Variants in NRXN1 observed in about 807,000 individuals in gnomAD.
NRXN1 encodes neurexin 1, also known as neurexin-1.
A neutral mutation model predicts 150.9 loss-of-function variants in NRXN1; 39 were observed. The ratio of observed to expected loss-of-function variants is 0.26; its 90% CI spans 0.20 to 0.34. NRXN1 has a LOEUF of 0.34. NRXN1 is among the 10% of genes least tolerant of loss of function. The pLI is 1.00. For missense variants in NRXN1, 1,815 were observed against 1,949.9 expected (o/e 0.93, Z 1.30); for synonymous variants, 924 against 757.0 (o/e 1.22, Z -3.62).
rs182920809 is a variant in NRXN1 at position 50,489,283 on chromosome 2, A to C, written c.3070+6622T>G. Among the ~76,000 whole-genome samples the C allele has an allele frequency of 3.9e-5, 6 of 152,274 alleles. No homozygotes were observed. The East Asian group carries it at 1.2e-3, about 29-fold the overall frequency. ...AGCCCCAGGGCTTTATGCATCTGCA[A>C]ATGGGATGGGTTGGGATCTTTAAAG... On this transcript the variant is annotated intron_variant, in intron 15 of 22. Coordinates refer to ENST00000401669, the MANE Select transcript of NRXN1 (RefSeq NM_001330078.2).
At chr2:50,357,304 T>TTATTTATTTTTA (rs1368238150) in intron 17 of NRXN1, among the ~76,000 whole-genome samples, 3 of 142,994 alleles carry the variant, frequency 2.1e-5, no homozygotes, top group Non-Finnish European at 4.5e-5. Context: ...ATTTATTTAT[T>TTATTTATTTTTA]TTTTTTTTTA....
rs116605754 is a variant in NRXN1 at position 49,932,934 on chromosome 2, C to G, written c.4217-10683G>C. 9.8e-3 allele frequency among the ~76,000 whole-genome samples: 1,499 copies of G among 152,278 alleles called. 25 individuals carry two copies. The highest frequency in any genetic ancestry group is 0.034 in the African/African-American group (1,417 of 41,554). Reference sequence around the variant, plus strand: ...AAATGGCACAGCCAAAATTCAAACTCAGGTCTGTCTATGGCTACTAATATT... The same window carrying G: ...AAATGGCACAGCCAAAATTCAAACTGAGGTCTGTCTATGGCTACTAATATT... On this transcript the variant is annotated intron_variant, in intron 22 of 22. Transcript: ENST00000401669.
chr2:50,778,398 G>C (rs1293467271), intron 5 of NRXN1, among the ~76,000 whole-genome samples: 1 of 152,160 alleles, frequency 6.6e-6, no homozygotes, highest in African/African-American at 2.4e-5. Flanking sequence ...TGTGCTGGGT[G>C]CTCCCCCAGA....
chr2:50,615,141 C>A (rs541228785), intron 8 of NRXN1, among the ~76,000 whole-genome samples: 2 of 152,066 alleles, frequency 1.3e-5, no homozygotes, highest in Non-Finnish European at 2.9e-5. Context: ...AAGGCTGAGC[C>A]GATCTAATTA....
intron 21 of NRXN1, among the ~76,000 whole-genome samples, chr2:49,995,930 G>A (rs769695603): frequency 9.1e-5 from 13 of 143,526 alleles, no homozygotes; most frequent in Non-Finnish European, 1.4e-4. Flanking sequence ...TGGGTCTCAT[G>A]ACTCTGTCAA....
chr2:50,643,611 C>G (rs12615541), intron 5 of NRXN1, among the ~76,000 whole-genome samples: 44,144 of 151,556 alleles, frequency 0.29, 6,744 homozygotes, highest in East Asian at 0.48. Context: ...TCTAATTTTA[C>G]TTTTCCACAT....
chr2:50,251,839 A>G (rs1304444876), intron 17 of NRXN1, among the ~76,000 whole-genome samples: 1 of 152,088 alleles, frequency 6.6e-6, no homozygotes, highest in African/African-American at 2.4e-5. Flanking sequence ...TCTTTTGACA[A>G]ATGTCTGTTA....
chr2:50,858,996 A>G (rs1214596796), intron 5 of NRXN1, among the ~76,000 whole-genome samples: 1 of 152,160 alleles, frequency 6.6e-6, no homozygotes, highest in Non-Finnish European at 1.5e-5. Context: ...CCCGGCCTGT[A>G]AATCTCATCT....
At chr2:50,293,352 C>T (rs941339129) in intron 17 of NRXN1, among the ~76,000 whole-genome samples, 1 of 152,164 alleles carries the variant, frequency 6.6e-6, no homozygotes, top group African/African-American at 2.4e-5. Flanking sequence ...TCACATACTT[C>T]TCTGAGGGAA....
intron 5 of NRXN1, among the ~76,000 whole-genome samples, chr2:50,900,152 C>T (rs1035767080): frequency 2.6e-5 from 4 of 152,142 alleles, no homozygotes; most frequent in African/African-American, 9.7e-5. Context: ...TGGCTACTCA[C>T]AAGAAATTAA....
chr2:50,669,190 TCTTA>T (rs1053428441), intron 5 of NRXN1, among the ~76,000 whole-genome samples: 3 of 151,908 alleles, frequency 2.0e-5, no homozygotes, highest in Admixed American at 6.6e-5. Flanking sequence ...CAAGGCTCAG[TCTTA>T]CTTTAGTTCG....
intron 19 of NRXN1, among the ~76,000 whole-genome samples, chr2:50,091,091 C>T (rs1445752862): frequency 6.6e-6 from 1 of 152,104 alleles, no homozygotes; most frequent in Admixed American, 6.5e-5. Context: ...TCATTGATGT[C>T]CTGAATTTTG....
intron 17 of NRXN1, among the ~76,000 whole-genome samples, chr2:50,380,616 G>A (rs1267708412): frequency 6.6e-6 from 1 of 152,060 alleles, no homozygotes; most frequent in African/African-American, 2.4e-5. Context: ...ACTAGGGATT[G>A]TGTGAGGATT....
chr2:50,994,650 T>C, intron 2 of NRXN1, among the ~76,000 whole-genome samples: 1 of 152,048 alleles, frequency 6.6e-6, no homozygotes, highest in East Asian at 1.9e-4. Flanking sequence ...ATTAGTTCTG[T>C]GTAATGCATC....
At chr2:50,075,219 T>A (rs1364784565) in intron 19 of NRXN1, among the ~76,000 whole-genome samples, 3 of 152,208 alleles carry the variant, frequency 2.0e-5, no homozygotes, top group Non-Finnish European at 4.4e-5. Flanking sequence ...CCATGCAAAT[T>A]CTATTTATTC....
intron 5 of NRXN1, among the ~76,000 whole-genome samples, chr2:50,753,597 T>A (rs1368107203): frequency 6.6e-6 from 1 of 151,826 alleles, no homozygotes; most frequent in Non-Finnish European, 1.5e-5. Flanking sequence ...GCAGCAATAT[T>A]TTGACCATTT....
chr2:50,045,919 C>T (rs1252770921), intron 21 of NRXN1, among the ~76,000 whole-genome samples: 1 of 152,118 alleles, frequency 6.6e-6, no homozygotes, highest in Admixed American at 6.5e-5. Flanking sequence ...TAGTCTAACT[C>T]ACAGCTGGAA....
At chr2:50,471,300 G>A (rs1324229711) in intron 16 of NRXN1, among the ~76,000 whole-genome samples, 1 of 151,576 alleles carries the variant, frequency 6.6e-6, no homozygotes, top group African/African-American at 2.4e-5. Context: ...ATACCATGCT[G>A]TATGCTTTTG....
At chr2:51,004,069 GA>G (rs35431808) in intron 2 of NRXN1, among the ~76,000 whole-genome samples, 26,196 of 143,542 alleles carry the variant, frequency 0.18, 3,419 homozygotes, top group African/African-American at 0.38. Flanking sequence ...GGTGGTGGGG[GA>G]AAAAAAAAAA....
Sources: allele counts gnomAD v4.1 joint callset (sites outside exome capture counted in the v4.1 genomes callset), GRCh38; gene constraint gnomAD v4.1.1; transcripts MANE v1.5; gene names NCBI Gene and HGNC (gene_info 2026-07-23, HGNC 2026-07-21).